TAF4: variants seen among roughly 807,000 people sequenced by gnomAD.
The protein encoded by TAF4 is transcription initiation factor TFIID subunit 4.
In TAF4, 9 loss-of-function variants were observed where a neutral mutation model predicts 90.3. The ratio of observed to expected loss-of-function variants is 0.10; its 90% confidence interval spans 0.06 to 0.17. The LOEUF (loss-of-function observed/expected upper bound fraction) is 0.17, where lower values mean the gene tolerates loss of function less well. Ranked by LOEUF, TAF4 falls within the 10% of genes least tolerant of loss-of-function variation. The pLI is 1.00. For missense variants in TAF4, 1,351 were observed against 1,370.7 expected (o/e 0.99, Z 0.23); for synonymous variants, 818 against 638.9 (o/e 1.28, Z -4.23).
intron 14 of TAF4, among the ~76,000 whole-genome samples, chr20:61,995,179 G>C (rs1267596552): frequency 1.3e-5 from 2 of 152,178 alleles, no homozygotes; most frequent in African/African-American, 2.4e-5. Context: ...GACATGCAAG[G>C]AGACAAGAAA....
rs1286244007 is a variant in TAF4, at chr20:62,029,478, G to GCA, written c.1361-14772_1361-14771insTG. On this transcript the variant is annotated intron_variant, in intron 1 of 14. Transcript: ENST00000252996. ...GCACCAGGGCCCAGTGCCCACGTGC[G>GCA]CGCGCGCGCACACACACACACACAC... Among the ~76,000 whole-genome samples the GCA allele has an allele frequency of 7.3e-5, 8 of 109,318 alleles. No homozygotes were observed. In the South Asian group the frequency reaches 8.5e-4, roughly 12 times the overall value. 71.7% of individuals were successfully genotyped at this position (109,318 alleles called of 152,430 possible).
intron 4 of TAF4, 89 bp downstream of exon 4, chr20:62,009,957 G>A: frequency 6.3e-7 from 1 of 1,586,670 alleles, no homozygotes; most frequent in Non-Finnish European, 8.6e-7. Context: ...GTCTGGGACA[G>A]AAGCCGGCCT....
intron 1 of TAF4, among the ~76,000 whole-genome samples, chr20:62,022,736 A>C (rs913373304): frequency 6.6e-6 from 1 of 152,222 alleles, no homozygotes; most frequent in Non-Finnish European, 1.5e-5. Context: ...TTTGGCAGGC[A>C]TAAGGGACGG....
At position 62,065,471 on chromosome 20, in the gene TAF4, G is replaced by C. The variant is rs1281639775; in HGVS notation, c.340C>G (p.Leu114Val). The stretch of plus-strand genomic sequence containing the variant: ...GGCGGCGCGGGCCCTGCGGGGACAA[G>C]GGGGCGGCGCGGTGAGGGGGGGCCC... ...RPGPPSPRRP[L>V]VPAGPAPPAA... is the part of the protein sequence containing the mutation. Residue 114 changes from leucine (L) to valine (V), a missense_variant, in exon 1 of 15, where the codon CTT (leucine) becomes GTT (valine). Leu to Val is a conservative substitution (Grantham distance 32, BLOSUM62 1). This residue lies in a region of TAF4 where 782 missense variants were observed against 536.6 expected (regional missense o/e 1.46). Coordinates refer to ENST00000252996, the MANE Select transcript of TAF4 (RefSeq NM_003185.4). 1.0e-6 allele frequency: 1 copy of C among 975,506 alleles called. No individual in the cohort carries two copies. Among genetic ancestry groups the C allele is most frequent in the South Asian group, 4.6e-5 (1 of 21,934 alleles). The allele number at this position is 975,506 out of a possible 1,614,324, so 60.4% of individuals were successfully genotyped here.
At chr20:62,019,472 G>A (rs1019653350) in intron 1 of TAF4, among the ~76,000 whole-genome samples, 1 of 152,214 alleles carries the variant, frequency 6.6e-6, no homozygotes, top group African/African-American at 2.4e-5. Context: ...TTTCATTATG[G>A]TGAAAATGTA....
intron 1 of TAF4, among the ~76,000 whole-genome samples, chr20:62,015,940 A>G (rs759492883): frequency 6.6e-6 from 1 of 152,176 alleles, no homozygotes; most frequent in Non-Finnish European, 1.5e-5. Context: ...CTTCCCCCCA[A>G]AACGCCCCTT....
In TAF4 at chr20:62,010,533, C is replaced by G. The variant is rs189538986; in HGVS notation, c.1642-368G>C. The stretch of plus-strand genomic sequence containing the variant: ...ACCCAGATCCCCATCTCTCAGAAAT[C>G]AAAACAACAAACAGAAGAACGGCTC... On this transcript the variant is annotated intron_variant, in intron 3 of 14. Coordinates refer to ENST00000252996, the MANE Select transcript of TAF4 (RefSeq NM_003185.4). This position sits in a 1 kb window ranked among gnomAD's most constrained non-coding sequence, Gnocchi z 4.5. Among the ~76,000 whole-genome samples, 22 of 152,154 alleles carry G rather than the reference C, an allele frequency of 1.4e-4. No individual in the cohort carries two copies. The highest frequency in any genetic ancestry group is 3.3e-4 in the Admixed American group (5 of 15,280).
At chr20:62,026,725 G>A (rs1396409235) in intron 1 of TAF4, among the ~76,000 whole-genome samples, 1 of 152,180 alleles carries the variant, frequency 6.6e-6, no homozygotes, top group Non-Finnish European at 1.5e-5. Context: ...GCTCTGCTCC[G>A]CAGGCAGAAA....
At chr20:62,008,971 G>C in intron 5 of TAF4, 81 bp downstream of exon 5, 1 of 1,522,786 alleles carries the variant, frequency 6.6e-7, no homozygotes, top group Non-Finnish European at 8.8e-7. Context: ...GGCCTCCCGG[G>C]CACAGGTCAC....
At chr20:62,052,394 G>A (rs2056034204) in intron 1 of TAF4, among the ~76,000 whole-genome samples, 1 of 152,060 alleles carries the variant, frequency 6.6e-6, no homozygotes, top group African/African-American at 2.4e-5. Flanking sequence ...ACCACAGTCA[G>A]TGACCTACTT....
chr20:62,013,077 G>C (rs2055789052), intron 2 of TAF4, 143 bp from the exon 3 acceptor site: 1 of 1,237,804 alleles, frequency 8.1e-7, no homozygotes, highest in East Asian at 2.6e-5. Context: ...TGAAGCCACT[G>C]TAATTCTAAA....
intron 1 of TAF4, among the ~76,000 whole-genome samples, chr20:62,038,233 T>C (rs1482365063): frequency 6.6e-6 from 1 of 152,022 alleles, no homozygotes; most frequent in Non-Finnish European, 1.5e-5. Flanking sequence ...TTCACAGTGT[T>C]AGCCAGGATG....
chr20:62,022,735 C>G (rs1055453702), intron 1 of TAF4, among the ~76,000 whole-genome samples: 1 of 152,226 alleles, frequency 6.6e-6, no homozygotes, highest in Non-Finnish European at 1.5e-5. Context: ...GTTTGGCAGG[C>G]ATAAGGGACG....
At chr20:62,045,055 T>A (rs1291691402) in intron 1 of TAF4, among the ~76,000 whole-genome samples, 1 of 152,094 alleles carries the variant, frequency 6.6e-6, no homozygotes. Context: ...GACAGATTAG[T>A]GACTACAAGG....
At chr20:62,021,121 G>A (rs61547040) in intron 1 of TAF4, among the ~76,000 whole-genome samples, 13,441 of 152,068 alleles carry the variant, frequency 0.088, 1,481 homozygotes, top group African/African-American at 0.26. Flanking sequence ...GAAACCCCCC[G>A]GGAAATTACC....
rs76083379 is a variant in TAF4, at chr20:62,062,445, C to A, written c.1360+2006G>T. On this transcript the variant is annotated intron_variant, in intron 1 of 14. Transcript: ENST00000252996. ...TTATTATTGAAACAAATAACATAAT[C>A]AAAATTCCTCATCAGTAGATCAACT... is the stretch of plus-strand genomic sequence containing the variant. 4.8e-3 allele frequency among the ~76,000 whole-genome samples: 728 copies of A among 151,558 alleles called. 9 individuals carry two copies. The highest frequency in any genetic ancestry group is 0.017 in the African/African-American group (698 of 41,304).
chr20:62,031,751 T>C (rs1337268528), intron 1 of TAF4, among the ~76,000 whole-genome samples: 1 of 151,890 alleles, frequency 6.6e-6, no homozygotes, highest in Non-Finnish European at 1.5e-5. Context: ...TAAGCACATG[T>C]GTCAACAAAT....
At chr20:62,044,872 C>A (rs995900750) in intron 1 of TAF4, among the ~76,000 whole-genome samples, 2 of 152,032 alleles carry the variant, frequency 1.3e-5, no homozygotes, top group African/African-American at 2.4e-5. Flanking sequence ...AGGCCTGGGA[C>A]AGGAAATACA....
chr20:62,029,207 A>C (rs970249598), intron 1 of TAF4, among the ~76,000 whole-genome samples: 2 of 152,068 alleles, frequency 1.3e-5, no homozygotes, highest in Non-Finnish European at 2.9e-5. Context: ...AAAAAAAAAA[A>C]AAAAACTTAG....
Sources: allele counts gnomAD v4.1 joint callset (sites outside exome capture counted in the v4.1 genomes callset), GRCh38; gene constraint gnomAD v4.1.1; regional missense constraint gnomAD v4.1.1; non-coding constraint Gnocchi (gnomAD v3.1); transcripts MANE v1.5; gene names NCBI Gene and HGNC (gene_info 2026-07-23, HGNC 2026-07-21).